The following WDR27 variants were observed in gnomAD, a reference collection of about 807,000 sequenced individuals.
WDR27 encodes WD repeat-containing protein 27.
WDR27 carries 100 observed loss-of-function variants against 114.4 expected under a neutral mutation model. The ratio of observed to expected loss-of-function variants is 0.87; its 90% CI spans 0.74 to 1.03. WDR27 has a LOEUF of 1.03. Among genes scored for constraint, WDR27 ranks in the 50% least tolerant of loss-of-function variants. WDR27 has a pLI of 0.00. For missense variants in WDR27, 1,129 were observed against 1,092.9 expected (o/e 1.03, Z -0.47); for synonymous variants, 449 against 423.1 (o/e 1.06, Z -0.75).
chr6:169,583,302 A>T (rs1468276865), intron 23 of WDR27, among the ~76,000 whole-genome samples: 31 of 75,730 alleles, frequency 4.1e-4, no homozygotes, highest in East Asian at 3.7e-3. Context: ...AATTGAATGG[A>T]AAAAAAAAAA....
the WDR27 span, among the ~76,000 whole-genome samples, chr6:169,444,669 GTTTTTTTT>G: frequency 6.5e-5 from 9 of 138,808 alleles, no homozygotes; most frequent in Admixed American, 2.2e-4. Context: ...CTGTTTTTTT[GTTTTTTTT>G]TTTTTCGTCT....
At chr6:169,428,108 G>C in the WDR27 span, among the ~76,000 whole-genome samples, 1 of 152,198 alleles carries the variant, frequency 6.6e-6, no homozygotes, top group African/African-American at 2.4e-5. Flanking sequence ...CATGAAGTCA[G>C]GGGAGGGGAG....
At chr6:169,510,762 C>T (rs1422470548) in intron 25 of WDR27, among the ~76,000 whole-genome samples, 3 of 151,852 alleles carry the variant, frequency 2.0e-5, no homozygotes, top group Non-Finnish European at 4.4e-5. Context: ...GCACATGTAT[C>T]CTAAAACTTA....
At chr6:169,566,217 C>G (rs1362612610) in intron 25 of WDR27, among the ~76,000 whole-genome samples, 1 of 152,176 alleles carries the variant, frequency 6.6e-6, no homozygotes, top group African/African-American at 2.4e-5. Flanking sequence ...AACAATAGCA[C>G]CACTAGACAA....
chr6:169,473,489 T>C (rs1786707776), intron 25 of WDR27, among the ~76,000 whole-genome samples: 1 of 152,010 alleles, frequency 6.6e-6, no homozygotes. Flanking sequence ...AAGTACAACC[T>C]AGAATGAGAA....
At chr6:169,567,145 C>T (rs747328219) in intron 25 of WDR27, among the ~76,000 whole-genome samples, 1 of 152,166 alleles carries the variant, frequency 6.6e-6, no homozygotes, top group African/African-American at 2.4e-5. Flanking sequence ...TGGGCTGTGA[C>T]AGTGACACCT....
chr6:169,618,680 G>C (rs2473438), intron 21 of WDR27, among the ~76,000 whole-genome samples: 138,726 of 147,534 alleles, frequency 0.94, 65,305 homozygotes, highest in East Asian at 0.99. Context: ...TGTGGCTGAG[G>C]TGGTTACTAA....
intron 17 of WDR27, among the ~76,000 whole-genome samples, chr6:169,642,342 T>C (rs1310165845): frequency 6.6e-6 from 1 of 150,506 alleles, no homozygotes; most frequent in Non-Finnish European, 1.5e-5. Context: ...TTTGTAAAGA[T>C]GAATTTGAAA....
At chr6:169,662,673 G>A (rs915579625) in intron 8 of WDR27, among the ~76,000 whole-genome samples, 21 of 131,662 alleles carry the variant, frequency 1.6e-4, no homozygotes, top group African/African-American at 3.5e-4. Context: ...CGGAGCATTC[G>A]GATCACGTGT....
intron 1 of WDR27, among the ~76,000 whole-genome samples, chr6:169,698,479 C>T (rs1198602968): frequency 6.6e-6 from 1 of 152,204 alleles, no homozygotes. Context: ...TGAAGTGCAA[C>T]CTATCCTCCC....
At chr6:169,645,023 T>TAAAAAAAAAAAAAAAAAA (rs776362942) in intron 16 of WDR27, among the ~76,000 whole-genome samples, 6 of 46,944 alleles carry the variant, frequency 1.3e-4, no homozygotes, top group Non-Finnish European at 2.0e-4. Flanking sequence ...AAAAAAAAAA[T>TAAAAAAAAAAAAAAAAAA]AAAAAAAAAA....
At chr6:169,529,728 C>A (rs1033676190) in intron 25 of WDR27, among the ~76,000 whole-genome samples, 3 of 152,076 alleles carry the variant, frequency 2.0e-5, no homozygotes, top group Non-Finnish European at 4.4e-5. Flanking sequence ...AGCACAAATC[C>A]TTCAAAATTT....
At chr6:169,672,420 A>G in intron 2 of WDR27, 24 bp from the exon 3 acceptor site, 1 of 1,560,814 alleles carries the variant, frequency 6.4e-7, no homozygotes, top group South Asian at 1.2e-5. Context: ...CAAAAATAAA[A>G]CACAGATCAC....
At chr6:169,603,955 A>T (rs1808588281) in intron 22 of WDR27, among the ~76,000 whole-genome samples, 1 of 152,216 alleles carries the variant, frequency 6.6e-6, no homozygotes, top group African/African-American at 2.4e-5. Flanking sequence ...TGATACAGTA[A>T]AAGTAGTGTC....
At chr6:169,696,424 A>T (rs1352370090) in intron 1 of WDR27, among the ~76,000 whole-genome samples, 1 of 152,218 alleles carries the variant, frequency 6.6e-6, no homozygotes, top group African/African-American at 2.4e-5. Flanking sequence ...GTATACACAC[A>T]TGCACACAAA....
At chr6:169,481,844 G>A (rs1376821226) in intron 25 of WDR27, among the ~76,000 whole-genome samples, 2 of 152,206 alleles carry the variant, frequency 1.3e-5, no homozygotes, top group Non-Finnish European at 2.9e-5. Context: ...CCAGAAGGAA[G>A]AAACTCCAGA....
At chr6:169,546,380 C>T (rs1470684623) in intron 25 of WDR27, among the ~76,000 whole-genome samples, 3 of 152,204 alleles carry the variant, frequency 2.0e-5, no homozygotes, top group African/African-American at 7.2e-5. Context: ...ACCTGGGCTC[C>T]AGCTCCCACA....
chr6:169,493,108 G>T (rs562911491), intron 25 of WDR27, among the ~76,000 whole-genome samples: 9 of 151,998 alleles, frequency 5.9e-5, no homozygotes, highest in Non-Finnish European at 7.4e-5. Context: ...TATTAAAAAG[G>T]TTATAAAATT....
chr6:169,643,605 G>A (rs113374311), intron 17 of WDR27, 92 bp downstream of exon 17: 3 of 1,078,782 alleles, frequency 2.8e-6, no homozygotes, highest in South Asian at 1.6e-5. Context: ...ATGTCCTGAA[G>A]GAAACAAAAG....
Sources: allele counts gnomAD v4.1 joint callset (sites outside exome capture counted in the v4.1 genomes callset), GRCh38; gene constraint gnomAD v4.1.1; transcripts MANE v1.5; gene names NCBI Gene and HGNC (gene_info 2026-07-23, HGNC 2026-07-21).